Variants in GAS6 observed in about 807,000 individuals in gnomAD.
The protein encoded by GAS6 is growth arrest specific 6, also known as growth arrest-specific protein 6.
A neutral mutation model predicts 75.8 loss-of-function variants in GAS6; 41 were observed. The observed-to-expected ratio is 0.54, with a 90% confidence interval of 0.42 to 0.70. The LOEUF is 0.70. Ranked by LOEUF, GAS6 falls within the 30% of genes least tolerant of loss-of-function variation. GAS6 has a pLI of 0.00. For missense variants in GAS6, 854 were observed against 940.2 expected, an observed-to-expected ratio of 0.91 and a Z score of 1.20; for synonymous variants, 432 against 412.6, an observed-to-expected ratio of 1.05 and a Z score of -0.57.
intron 11 of GAS6, among the ~76,000 whole-genome samples, chr13:113,828,213 G>A (rs569008615): frequency 9.8e-4 from 149 of 152,210 alleles, no homozygotes; most frequent in Non-Finnish European, 1.9e-3. Context: ...GCAGTGAGCC[G>A]AGATCGCGCC....
intron 12 of GAS6, among the ~76,000 whole-genome samples, chr13:113,823,817 G>A (rs568987463): frequency 3.2e-4 from 49 of 152,334 alleles, no homozygotes; most frequent in African/African-American, 1.1e-3. Flanking sequence ...GGCCACACAG[G>A]CCCGTCTGAG....
rs1217565236 is a variant in GAS6 at position 113,863,011 on chromosome 13, T to C, written c.255+564A>G. On this transcript the variant is annotated intron_variant, in intron 2 of 14. Coordinates refer to ENST00000327773, the MANE Select transcript of GAS6 (RefSeq NM_000820.4). This position sits in a 1 kb window ranked among gnomAD's most constrained non-coding sequence, Gnocchi z 9.4. ...AACCGAGGTGCCGGGGCCAGCACCG[T>C]CGGGCTCCTGAAAGCACCCGCTGCC... Among the ~76,000 whole-genome samples the C allele has an allele frequency of 6.6e-6, 1 of 152,040 alleles. No homozygotes were observed. Among genetic ancestry groups the C allele is most frequent in the African/African-American group, 2.4e-5 (1 of 41,412 alleles).
chr13:113,836,942 G>A (rs1034702816), intron 6 of GAS6, among the ~76,000 whole-genome samples: 1 of 150,372 alleles, frequency 6.7e-6, no homozygotes, highest in Non-Finnish European at 1.5e-5. Flanking sequence ...TGGGGAGGAG[G>A]AGGAGAGGAC....
Position 113,837,959 on chromosome 13 carries a change from C to T in GAS6, c.589+110G>A. On this transcript the variant is annotated intron_variant, in intron 6 of 14. Coordinates refer to ENST00000327773, the MANE Select transcript of GAS6 (RefSeq NM_000820.4). The surrounding 1 kb of genome is among the most constrained non-coding windows in gnomAD (Gnocchi z 5.1). Reference sequence around the variant, plus strand: ...TCTCTGCAGGATGCCCCATCCCATCCAGAACCACAGGAACCCAGCCAGCAG... The same window carrying T: ...TCTCTGCAGGATGCCCCATCCCATCTAGAACCACAGGAACCCAGCCAGCAG... 1 of 1,392,316 alleles carries T rather than the reference C, an allele frequency of 7.2e-7. No homozygotes were observed. The highest frequency in any genetic ancestry group is 9.9e-7 in the Non-Finnish European group (1 of 1,014,402). The allele number at this position is 1,392,316 out of a possible 1,614,324, so 86.2% of individuals were successfully genotyped here. A position where few individuals can be genotyped will look rare whatever the true frequency, so the allele number is the denominator to read the frequency against.
intron 9 of GAS6, 62 bp from the exon 10 acceptor site, chr13:113,832,550 G>A (rs1318567742): frequency 6.3e-6 from 10 of 1,598,592 alleles, no homozygotes; most frequent in Non-Finnish European, 8.5e-6. Context: ...GCCCCTCCCT[G>A]CTGGCCGAAC....
At chr13:113,862,197 G>T (rs1400058567) in intron 2 of GAS6, among the ~76,000 whole-genome samples, 1 of 152,244 alleles carries the variant, frequency 6.6e-6, no homozygotes, top group African/African-American at 2.4e-5. Context: ...GGCCCTGCAG[G>T]TCCTGGAGGA....
At chr13:113,828,836 T>A (rs942571343) in intron 10 of GAS6, 125 bp from the exon 11 acceptor site, 7 of 1,049,382 alleles carry the variant, frequency 6.7e-6, no homozygotes, top group Non-Finnish European at 8.3e-6. Context: ...GGCCACCTGA[T>A]CCTCACCTGG....
chr13:113,824,568 C>T (rs2051510248), intron 12 of GAS6, among the ~76,000 whole-genome samples: 1 of 152,306 alleles, frequency 6.6e-6, no homozygotes, highest in South Asian at 2.1e-4. Flanking sequence ...ACCCAGAATT[C>T]CAAAGTCCTG....
At position 113,834,950 on chromosome 13, in the gene GAS6, C is replaced by T. The variant is rs192609604; in HGVS notation, c.713-278G>A. On this transcript the variant is annotated intron_variant, in intron 7 of 14. Coordinates refer to ENST00000327773, the MANE Select transcript of GAS6 (RefSeq NM_000820.4). ...GCCAGACCCACCCCCGCTGCCGGGC[C>T]GGTGTGGAAGGCAGGTCTGGGAAGC... Among the ~76,000 whole-genome samples the T allele has an allele frequency of 3.3e-4, 51 of 152,372 alleles. No homozygotes were observed. The East Asian group carries it at 6.2e-3, about 18-fold the overall frequency.
chr13:113,839,779 T>C lies in GAS6; in HGVS notation c.415A>G (p.Asn139Asp), dbSNP rs1273116305. The C allele has an allele frequency of 9.9e-6, 16 of 1,613,908 alleles. No individual in the cohort carries two copies. The highest frequency in any genetic ancestry group is 4.5e-5 in the East Asian group (2 of 44,894). Residue 139 changes from asparagine (N) to aspartate (D), a missense_variant, in exon 5 of 15, where the codon AAC (asparagine) becomes GAC (aspartate). Transcript: ENST00000327773. The part of the protein sequence containing the change: ...GTQACQDLMG[N>D]FFCLCKAGWG... The stretch of plus-strand genomic sequence containing the variant: ...CCAGCTTTACACAGGCAGAAGAAGT[T>C]GCCCATGAGGTCCTGGCAGGCTTGG...
intron 2 of GAS6, among the ~76,000 whole-genome samples, chr13:113,858,964 GTGAC>G (rs2051943709): frequency 7.0e-6 from 1 of 143,008 alleles, no homozygotes; most frequent in Non-Finnish European, 1.5e-5. Flanking sequence ...ACATGTCTGT[GTGAC>G]TGTATGTCTA....
chr13:113,820,833 G>A lies in GAS6; in HGVS notation c.*31C>T. 6.2e-7 allele frequency: 1 copy of A among 1,600,770 alleles called. No homozygotes were observed. Among genetic ancestry groups the A allele is most frequent in the Non-Finnish European group, 8.5e-7 (1 of 1,176,504 alleles). On this transcript the variant is annotated 3_prime_UTR_variant, in exon 15 of 15. Coordinates refer to ENST00000327773, the MANE Select transcript of GAS6 (RefSeq NM_000820.4). ...GCTCCTCCCGGCTGTCTCGGACAGA[G>A]ACTGAGAAGCCTGCCGCGTCCCGTG... is the stretch of plus-strand genomic sequence containing the variant.
At chr13:113,823,640 GC>G in intron 12 of GAS6, 90 bp from the exon 13 acceptor site, 1 of 1,292,864 alleles carries the variant, frequency 7.7e-7, no homozygotes, top group African/African-American at 1.5e-5. Context: ...TGCAGTCCCA[GC>G]CGGGGTGGGA....
intron 10 of GAS6, 47 bp downstream of exon 10, chr13:113,832,252 A>T (rs747268075): frequency 5.7e-6 from 9 of 1,573,120 alleles, no homozygotes; most frequent in Non-Finnish European, 7.7e-6. Context: ...AGTCTGGCTC[A>T]GGGAGAACCC....
At chr13:113,852,540 G>C (rs886612953) in intron 2 of GAS6, among the ~76,000 whole-genome samples, 3 of 152,206 alleles carry the variant, frequency 2.0e-5, no homozygotes, top group Non-Finnish European at 2.9e-5. Flanking sequence ...GAAAGTGTCT[G>C]ATGAGTAGAT....
intron 11 of GAS6, 50 bp downstream of exon 11, chr13:113,828,497 C>G (rs370709430): frequency 6.4e-7 from 1 of 1,569,906 alleles, no homozygotes; most frequent in Non-Finnish European, 8.7e-7. Context: ...ACACCGTTCC[C>G]GGGATCCCAG....
chr13:113,858,877 CTATG>C (rs990274374), intron 2 of GAS6, among the ~76,000 whole-genome samples: 7 of 131,000 alleles, frequency 5.3e-5, no homozygotes, highest in African/African-American at 1.8e-4. Context: ...GTGTACATGA[CTATG>C]TAAGTCTATG....
chr13:113,859,393 T>C lies in GAS6; in HGVS notation c.255+4182A>G, dbSNP rs572441373. Among the ~76,000 whole-genome samples, 589 of 151,812 alleles carry C rather than the reference T, an allele frequency of 3.9e-3. 8 individuals are homozygous for C. The highest frequency in any genetic ancestry group is 0.014 in the African/African-American group (565 of 41,296). ...CTATGTGAATGTGTGCATGTATGTA[T>C]ACATGTCTGTTAGTATGTGTGTGCC... On this transcript the variant is annotated intron_variant, in intron 2 of 14. Transcript: ENST00000327773.
chr13:113,854,476 C>G (rs752418468), intron 2 of GAS6, among the ~76,000 whole-genome samples: 1 of 152,358 alleles, frequency 6.6e-6, no homozygotes, highest in Admixed American at 6.5e-5. Flanking sequence ...CAACCCTGCA[C>G]GGCAGTAATG....
Sources: gnomAD v4.1 joint callset for allele counts (sites outside exome capture counted in the v4.1 genomes callset) on GRCh38, gnomAD v4.1.1 for gene constraint, Gnocchi (gnomAD v3.1) non-coding constraint, MANE v1.5 for transcripts, NCBI Gene and HGNC (gene_info 2026-07-23, HGNC 2026-07-21) for gene names.